STIM2: variants seen among roughly 807,000 people sequenced by gnomAD.
STIM2 encodes stromal interaction molecule 2.
Under a neutral mutation model 85.8 loss-of-function variants are expected in STIM2, and 31 were observed. The ratio of observed to expected loss-of-function variants is 0.36; its 90% CI spans 0.27 to 0.49. STIM2 has a LOEUF of 0.49. Among genes scored for constraint, STIM2 ranks in the 20% least tolerant of loss-of-function variants. The probability of loss-of-function intolerance (pLI) is 0.98; values close to 1 mark genes in which losing one functional copy is unlikely to be tolerated. For synonymous variants in STIM2, 356 were observed against 331.1 expected, an observed-to-expected ratio of 1.08 and a Z score of -0.82; for missense variants, 841 against 927.6, an observed-to-expected ratio of 0.91 and a Z score of 1.21.
intron 1 of STIM2, among the ~76,000 whole-genome samples, chr4:26,906,075 A>G (rs900607626): frequency 6.6e-6 from 1 of 152,216 alleles, no homozygotes; most frequent in African/African-American, 2.4e-5. Flanking sequence ...AAATTAAGAT[A>G]TTATAGAATA....
intron 1 of STIM2, among the ~76,000 whole-genome samples, chr4:26,885,861 A>ATATG (rs1553845033): frequency 4.0e-4 from 31 of 77,720 alleles, no homozygotes; most frequent in African/African-American, 1.6e-3. Flanking sequence ...ATATATATAT[A>ATATG]TATATATATA....
chr4:26,933,064 A>G (rs1725261793), intron 2 of STIM2, among the ~76,000 whole-genome samples: 1 of 152,120 alleles, frequency 6.6e-6, no homozygotes, highest in Non-Finnish European at 1.5e-5. Context: ...GAAAACATAA[A>G]AGAGCTTGTG....
Position 27,008,784 on chromosome 4 carries a change from C to T in STIM2, c.1271C>T (p.Thr424Ile). The change falls in exon 10 of 12, where the codon ACA becomes ATA. Residue 424 changes from threonine to isoleucine, a missense_variant. By Grantham distance (89) the Thr-to-Ile change is moderately conservative. This residue lies in a region of STIM2 where 408 missense variants were observed against 525.4 expected (regional missense o/e 0.78). Coordinates refer to ENST00000467087, the MANE Select transcript of STIM2 (RefSeq NM_020860.4). ...TCCAGGAAAGCTCTCTCTGAGTTGA[C>T]AACTTGTTTACGAGAACGACTTTTT... 1 of 1,614,100 alleles carries T rather than the reference C, an allele frequency of 6.2e-7. No individual in the cohort carries two copies. The highest frequency in any genetic ancestry group is 1.1e-5 in the South Asian group (1 of 91,076).
intron 10 of STIM2, among the ~76,000 whole-genome samples, chr4:27,011,536 A>G (rs1382466440): frequency 6.6e-6 from 1 of 152,122 alleles, no homozygotes; most frequent in African/African-American, 2.4e-5. Flanking sequence ...TTTACTAGTC[A>G]TTGTCAAGTT....
rs879795115 is a variant in STIM2, at chr4:27,023,926, G to A, written c.*930G>A. 1.3e-5 allele frequency: 2 copies of A among 152,624 alleles called. No individual in the cohort carries two copies. The highest frequency in any genetic ancestry group is 2.9e-5 in the Non-Finnish European group (2 of 68,032). 9.5% of individuals were successfully genotyped at this position (152,624 alleles called of 1,614,324 possible). A position where few individuals can be genotyped will look rare whatever the true frequency, so the allele number is the denominator to read the frequency against. ...AAAGGATTTACGGTTTGTGAAAAAT[G>A]TGTACTGTGGAAAAGATAATAAATT... On this transcript the variant is annotated 3_prime_UTR_variant, in exon 12 of 12. Coordinates refer to ENST00000467087, the MANE Select transcript of STIM2 (RefSeq NM_020860.4).
chr4:26,922,737 T>G (rs1724850835), intron 2 of STIM2, among the ~76,000 whole-genome samples: 1 of 152,156 alleles, frequency 6.6e-6, no homozygotes, highest in Non-Finnish European at 1.5e-5. Flanking sequence ...CTCTAATTAC[T>G]TGGTCTTTCT....
At chr4:26,962,607 T>C (rs1228460842) in intron 3 of STIM2, among the ~76,000 whole-genome samples, 2 of 81,110 alleles carry the variant, frequency 2.5e-5, no homozygotes, top group Non-Finnish European at 5.2e-5. Flanking sequence ...TGTGTATGTG[T>C]GTCTGTGTCT....
intron 10 of STIM2, among the ~76,000 whole-genome samples, chr4:27,016,799 A>G (rs1208559025): frequency 3.9e-5 from 6 of 152,204 alleles, no homozygotes; most frequent in Non-Finnish European, 8.8e-5. Flanking sequence ...GATGGGTTGT[A>G]AGGGCCAGTA....
chr4:26,919,668 TAGAAC>T (rs1724725515), intron 2 of STIM2, 34 bp downstream of exon 2: 5 of 1,607,710 alleles, frequency 3.1e-6, no homozygotes, highest in Non-Finnish European at 4.2e-6. Flanking sequence ...GCTATTGTCT[TAGAAC>T]AGAATGACTG....
intron 3 of STIM2, among the ~76,000 whole-genome samples, chr4:26,977,850 GAGGAGGACCCTGGAGAGA>G (rs2109110852): frequency 6.6e-6 from 1 of 152,316 alleles, no homozygotes; most frequent in East Asian, 1.9e-4. Flanking sequence ...TCAAGAAGTA[GAGGAGGACCCTGGAGAGA>G]AGGTGGGGAA....
intron 7 of STIM2, among the ~76,000 whole-genome samples, chr4:27,006,758 C>T (rs1489416566): frequency 1.3e-5 from 2 of 152,168 alleles, no homozygotes; most frequent in Non-Finnish European, 1.5e-5. Context: ...AATACTATGA[C>T]ATCGTTATAC....
At chr4:26,954,363 A>T (rs1726168548) in intron 2 of STIM2, among the ~76,000 whole-genome samples, 1 of 125,550 alleles carries the variant, frequency 8.0e-6, no homozygotes, top group African/African-American at 3.5e-5. Context: ...TTGTCAATTT[A>T]GGATTCCCTA....
At chr4:26,861,580 A>G in intron 1 of STIM2, 2 of 625,244 alleles carry the variant, frequency 3.2e-6, no homozygotes, top group Non-Finnish European at 4.5e-6. Flanking sequence ...GAGCCTCTCG[A>G]CGGCACTGAT....
In STIM2 at chr4:26,861,044, G is replaced by A; in HGVS notation, c.-175G>A. 1 of 1,205,284 alleles carries A rather than the reference G, an allele frequency of 8.3e-7. No homozygotes were observed. The highest frequency in any genetic ancestry group is 1.0e-6 in the Non-Finnish European group (1 of 970,306). The allele number at this position is 1,205,284 out of a possible 1,614,324, so 74.7% of individuals were successfully genotyped here. A position where few individuals can be genotyped will look rare whatever the true frequency, so the allele number is the denominator to read the frequency against. On this transcript the variant is annotated 5_prime_UTR_variant, in exon 1 of 12. Transcript: ENST00000467087. Reference sequence around the variant, plus strand: ...CCGGCGGGAGCCCGTGTCTGAGGCGGCGGGGGCGGCCGGAGGAGTCGCCGG... The same window carrying A: ...CCGGCGGGAGCCCGTGTCTGAGGCGACGGGGGCGGCCGGAGGAGTCGCCGG...
chr4:27,013,084 T>A (rs1037946016), intron 10 of STIM2, among the ~76,000 whole-genome samples: 1 of 151,974 alleles, frequency 6.6e-6, no homozygotes, highest in Non-Finnish European at 1.5e-5. Flanking sequence ...TAATTTTTCT[T>A]CCTGACACTA....
chr4:26,919,614 G>C lies in STIM2; in HGVS notation c.262G>C (p.Glu88Gln). 6.2e-7 allele frequency: 1 copy of C among 1,613,654 alleles called. No homozygotes were observed. The highest frequency in any genetic ancestry group is 1.3e-5 in the African/African-American group (1 of 75,046). ...GGATGATGACAAAGATGGTGGAATT[G>C]AAGTAGAGGAAAGTGATGAAGTAGG... is the stretch of plus-strand genomic sequence containing the variant. The change falls in exon 2 of 12, where the codon GAA becomes CAA. Residue 88 changes from glutamate (E) to glutamine (Q), a missense_variant. By Grantham distance (29) the Glu-to-Gln change is conservative. Around this residue, in one of 3 missense-constraint regions of STIM2, gnomAD observed 408 missense variants for 525.4 expected, o/e 0.78. Coordinates refer to ENST00000467087, the MANE Select transcript of STIM2 (RefSeq NM_020860.4).
chr4:26,889,190 G>C (rs555588058), intron 1 of STIM2, among the ~76,000 whole-genome samples: 6 of 152,322 alleles, frequency 3.9e-5, no homozygotes, highest in African/African-American at 1.4e-4. Flanking sequence ...GGGAGAAATA[G>C]CACCATACAT....
intron 2 of STIM2, among the ~76,000 whole-genome samples, chr4:26,920,123 T>C (rs1724743486): frequency 6.6e-6 from 1 of 152,160 alleles, no homozygotes; most frequent in African/African-American, 2.4e-5. Context: ...CATAATGTCT[T>C]TCTATGTTAC....
chr4:27,007,297 C>G (rs890194605), intron 7 of STIM2, among the ~76,000 whole-genome samples: 26 of 151,280 alleles, frequency 1.7e-4, no homozygotes, highest in Non-Finnish European at 2.7e-4. Context: ...ATTTAAGATG[C>G]ACTTGAAGCT....
Sources: gnomAD v4.1 joint callset for allele counts (sites outside exome capture counted in the v4.1 genomes callset) on GRCh38, gnomAD v4.1.1 for gene constraint, gnomAD v4.1.1 regional missense constraint, MANE v1.5 for transcripts, NCBI Gene and HGNC (gene_info 2026-07-23, HGNC 2026-07-21) for gene names.